Variants in CTSC observed in about 807,000 individuals in gnomAD.
CTSC encodes the protein cathepsin C.
In CTSC, 37 loss-of-function variants were observed where a neutral mutation model predicts 40.9. That is an observed-to-expected ratio of 0.91 (90% confidence interval 0.70 to 1.19). CTSC has a LOEUF of 1.19. Ranked by LOEUF, CTSC falls within the 50% of genes most tolerant of loss-of-function variation. CTSC has a pLI of 0.00. For missense variants in CTSC, 594 were observed against 567.3 expected (o/e 1.05, Z -0.48); for synonymous variants, 232 against 207.4 (o/e 1.12, Z -1.02).
intron 2 of CTSC, among the ~76,000 whole-genome samples, chr11:88,331,975 T>C (rs1353632898): frequency 2.0e-5 from 3 of 152,186 alleles, no homozygotes; most frequent in Admixed American, 2.0e-4. Context: ...ATACTCTGCA[T>C]GTACCAACTA....
chr11:88,322,161 G>C (rs2134800789), intron 2 of CTSC: 1 of 152,124 alleles, frequency 6.6e-6, no homozygotes, highest in East Asian at 1.9e-4. Context: ...TTGTCATATG[G>C]ATAGATTGAA....
At chr11:88,330,623 C>T (rs1395830773) in intron 2 of CTSC, among the ~76,000 whole-genome samples, 2 of 152,096 alleles carry the variant, frequency 1.3e-5, no homozygotes, top group African/African-American at 4.8e-5. Context: ...GCTGGGATTA[C>T]AGGTATGAGT....
intron 2 of CTSC, among the ~76,000 whole-genome samples, chr11:88,319,425 C>CT (rs1565258763): frequency 2.0e-5 from 3 of 152,152 alleles, no homozygotes; most frequent in Middle Eastern, 6.8e-3. Flanking sequence ...CCTTCTAAAG[C>CT]TGTGACACTT....
At position 88,293,932 on chromosome 11, in the gene CTSC, G is replaced by T; in HGVS notation, c.*74C>A. The T allele has an allele frequency of 2.7e-6, 4 of 1,499,566 alleles. No homozygotes were observed. The highest frequency in any genetic ancestry group is 3.7e-6 in the Non-Finnish European group (4 of 1,083,466). The allele number at this position is 1,499,566 out of a possible 1,614,324, so 92.9% of individuals were successfully genotyped here. A position where few individuals can be genotyped will look rare whatever the true frequency, so the allele number is the denominator to read the frequency against. ...TAAGCTTCTGAGATTGCTGCTGAAA[G>T]TCTACAGTCTGTGAATATACCAATT... On this transcript the variant is annotated 3_prime_UTR_variant, in exon 7 of 7. Coordinates refer to ENST00000227266, the MANE Select transcript of CTSC (RefSeq NM_001814.6).
At chr11:88,304,986 T>G (rs1291490266) in intron 4 of CTSC, among the ~76,000 whole-genome samples, 1 of 151,926 alleles carries the variant, frequency 6.6e-6, no homozygotes, top group Non-Finnish European at 1.5e-5. Context: ...TAATCCCAGC[T>G]ACTTGGGAGG....
At chr11:88,322,124 T>A (rs760406996) in intron 2 of CTSC, 2 of 152,198 alleles carry the variant, frequency 1.3e-5, no homozygotes, top group Non-Finnish European at 2.9e-5. Flanking sequence ...TTTGTTAAGT[T>A]CCTTGTAGAT....
At position 88,337,398 on chromosome 11, in the gene CTSC, C is replaced by G. The variant is rs965996790; in HGVS notation, c.172+103G>C. The G allele has an allele frequency of 8.2e-6, 10 of 1,221,980 alleles. No homozygotes were observed. In the Admixed American group the frequency reaches 1.6e-4, roughly 19 times the overall value. The allele number at this position is 1,221,980 out of a possible 1,614,324, so 75.7% of individuals were successfully genotyped here. A position where few individuals can be genotyped will look rare whatever the true frequency, so the allele number is the denominator to read the frequency against. ...AATCCAGTCAAGATGCTCTGGCCAC[C>G]CACAAGCGTCTGCCTGGGGGGAAGC... is the stretch of plus-strand genomic sequence containing the variant. On this transcript the variant is annotated intron_variant, in intron 1 of 6. Transcript: ENST00000227266.
rs772192177 is a variant in CTSC at position 88,294,045 on chromosome 11, C to A, written c.1353G>T (p.Glu451Asp). Residue 451 changes from glutamate to aspartate, a missense_variant, in exon 7 of 7, where the codon GAG (glutamate) becomes GAT (aspartate). By Grantham distance (45) the Glu-to-Asp change is conservative. Coordinates refer to ENST00000227266, the MANE Select transcript of CTSC (RefSeq NM_001814.6). ...IRRGTDECAIESIAVAATPIP... is the reference protein window; with the variant it reads ...IRRGTDECAIDSIAVAATPIP... Reference sequence around the variant, plus strand: ...TTGGTGTGGCTGCCACTGCTATGCTCTCAATTGCACACTCATCAGTTCCTC... The same window carrying A: ...TTGGTGTGGCTGCCACTGCTATGCTATCAATTGCACACTCATCAGTTCCTC... 6.2e-7 allele frequency: 1 copy of A among 1,614,050 alleles called. No homozygotes were observed.
rs748261506 is a variant in CTSC at position 88,335,103 on chromosome 11, C to G, written c.173-21G>C. 68 of 1,460,808 alleles carry G rather than the reference C, an allele frequency of 4.7e-5. 1 individual carries two copies. In the South Asian group the frequency reaches 6.8e-4, roughly 15 times the overall value. 90.5% of individuals were successfully genotyped at this position (1,460,808 alleles called of 1,614,324 possible). A position where few individuals can be genotyped will look rare whatever the true frequency, so the allele number is the denominator to read the frequency against. ...TGGTCCTAAAGAAAAAAAAAAAAAG[C>G]ACAATAAAGGAAAATTATTTGGATT... On this transcript the variant is annotated intron_variant, in intron 1 of 6. Transcript: ENST00000227266.
intron 2 of CTSC, chr11:88,324,916 G>A: frequency 1.0e-6 from 1 of 985,164 alleles, no homozygotes; most frequent in Non-Finnish European, 1.2e-6. Flanking sequence ...CAGAATAGCA[G>A]AACAGTATAC....
At chr11:88,325,565 C>T in intron 2 of CTSC, 1 of 985,344 alleles carries the variant, frequency 1.0e-6, no homozygotes, top group Non-Finnish European at 1.2e-6. Context: ...CAGTTAGAAA[C>T]TCTGTGAGCT....
rs143198888 is a variant in CTSC, at chr11:88,330,858, T to C, written c.318+4079A>G. On this transcript the variant is annotated intron_variant, in intron 2 of 6. Transcript: ENST00000227266. ...CTTAGAAATCTCAAATCATAAAAAA[T>C]GTTTCTCTTTCAGATAAGCCCTGAA... Among the ~76,000 whole-genome samples, 551 of 152,312 alleles carry C rather than the reference T, an allele frequency of 3.6e-3. 4 individuals are homozygous for C. Among genetic ancestry groups the C allele is most frequent in the Non-Finnish European group, 5.2e-3 (354 of 68,024 alleles).
At chr11:88,318,461 G>C (rs1937925886) in intron 2 of CTSC, among the ~76,000 whole-genome samples, 1 of 152,164 alleles carries the variant, frequency 6.6e-6, no homozygotes. Flanking sequence ...TCATTACCAT[G>C]AAGGATACTT....
intron 6 of CTSC, among the ~76,000 whole-genome samples, chr11:88,294,914 G>T (rs1279525529): frequency 1.3e-5 from 2 of 152,156 alleles, no homozygotes; most frequent in Non-Finnish European, 2.9e-5. Context: ...AGGTATTATG[G>T]TCATTGCTAA....
At chr11:88,325,756 G>T (rs1981401) in intron 2 of CTSC, 1 of 985,148 alleles carries the variant, frequency 1.0e-6, no homozygotes, top group East Asian at 1.1e-4. Flanking sequence ...GGTACTGGAG[G>T]TCTATAATCT....
intron 2 of CTSC, among the ~76,000 whole-genome samples, chr11:88,314,428 C>G (rs1309017407): frequency 6.6e-6 from 1 of 152,196 alleles, no homozygotes; most frequent in Admixed American, 6.5e-5. Flanking sequence ...AAAAACTGGA[C>G]TTGAATTGTG....
intron 2 of CTSC, among the ~76,000 whole-genome samples, chr11:88,328,652 G>C (rs1323726714): frequency 6.6e-6 from 1 of 152,156 alleles, no homozygotes; most frequent in Non-Finnish European, 1.5e-5. Context: ...TTTTGAGACA[G>C]AGTCTCACTC....
At chr11:88,337,187 G>A (rs762633597) in intron 1 of CTSC, among the ~76,000 whole-genome samples, 10 of 152,164 alleles carry the variant, frequency 6.6e-5, no homozygotes, top group Non-Finnish European at 1.5e-4. Context: ...TCGGACTGGA[G>A]AACCAAACGA....
At position 88,334,832 on chromosome 11, in the gene CTSC, G is replaced by A. The variant is rs909432764; in HGVS notation, c.318+105C>T. 96 of 850,794 alleles carry A rather than the reference G, an allele frequency of 1.1e-4. 1 individual carries two copies. In the Middle Eastern group the frequency reaches 2.3e-3, roughly 21 times the overall value. The allele number at this position is 850,794 out of a possible 1,614,324, so 52.7% of individuals were successfully genotyped here. A position where few individuals can be genotyped will look rare whatever the true frequency, so the allele number is the denominator to read the frequency against. The stretch of plus-strand genomic sequence containing the variant: ...CTTGGGAAGAGTGGTGTCAATTCCG[G>A]TCATCTTCTTAATCTAAAATTAAAA... On this transcript the variant is annotated intron_variant, in intron 2 of 6. Coordinates refer to ENST00000227266, the MANE Select transcript of CTSC (RefSeq NM_001814.6).
Sources: gnomAD v4.1 joint callset for allele counts (sites outside exome capture counted in the v4.1 genomes callset) on GRCh38, gnomAD v4.1.1 for gene constraint, MANE v1.5 for transcripts, NCBI Gene and HGNC (gene_info 2026-07-23, HGNC 2026-07-21) for gene names.